The following TFEB variants were observed in gnomAD, a reference collection of about 807,000 sequenced individuals.
The protein encoded by TFEB is transcription factor EB, also known as T-cell transcription factor EB.
Under a neutral mutation model 48.0 loss-of-function variants are expected in TFEB, and 12 were observed. That is an observed-to-expected ratio of 0.25 (90% CI 0.16 to 0.40). TFEB has a LOEUF of 0.40. Among genes scored for constraint, TFEB ranks in the 10% least tolerant of loss-of-function variants. The pLI is 1.00. For synonymous variants in TFEB, 244 were observed against 261.4 expected (o/e 0.93, Z 0.64); for missense variants, 509 against 640.3 (o/e 0.79, Z 2.21).
chr6:41,697,354 A>G (rs6458235), intron 1 of TFEB, among the ~76,000 whole-genome samples: 108,793 of 145,554 alleles, frequency 0.75, 40,725 homozygotes, highest in South Asian at 0.79. Context: ...GTTGCAGTGA[A>G]CTGAGATCAC....
Position 41,716,965 on chromosome 6 carries a change from C to T in TFEB, c.-23+18385G>A, listed in dbSNP as rs949626400. ...GCCCGCGTGCACCCTACATCACAAG[C>T]CAGGTGACCGGCCACCCTCCATGAA... is the stretch of plus-strand genomic sequence containing the variant. On this transcript the variant is annotated intron_variant, in intron 1 of 8. Coordinates refer to ENST00000373033, the MANE Select transcript of TFEB (RefSeq NM_001271944.2). Among the ~76,000 whole-genome samples, 8 of 152,248 alleles carry T rather than the reference C, an allele frequency of 5.3e-5. No homozygotes were observed. In the South Asian group the frequency reaches 8.3e-4, roughly 16 times the overall value.
chr6:41,712,678 C>T (rs1770534995), intron 1 of TFEB, among the ~76,000 whole-genome samples: 1 of 152,324 alleles, frequency 6.6e-6, no homozygotes, highest in East Asian at 1.9e-4. Context: ...CTGACGGAGC[C>T]ACTGCTGTTG....
In TFEB at chr6:41,687,784, C is replaced by T. The variant is rs940839140; in HGVS notation, c.696G>A (p.Lys232=). ...LTDAESRALA[K]ERQKKDNHNL... ...TGTGATTGTCTTTCTTCTGCCGCTC[C>T]TTGGCCAGGGCCCTGCTCTCAGCAT... is the stretch of plus-strand genomic sequence containing the variant. The change falls in exon 6 of 9, where the codon AAG becomes AAA. Residue 232 remains lysine (K), a synonymous_variant. Coordinates refer to ENST00000373033, the MANE Select transcript of TFEB (RefSeq NM_001271944.2). The T allele has an allele frequency of 9.3e-6, 15 of 1,614,072 alleles. No homozygotes were observed. In the East Asian group the frequency reaches 3.1e-4, roughly 34 times the overall value.
chr6:41,689,856 G>T, intron 3 of TFEB, 45 bp from the exon 4 acceptor site: 2 of 1,542,072 alleles, frequency 1.3e-6, no homozygotes, highest in South Asian at 1.1e-5. Flanking sequence ...ACCACGAGGT[G>T]GGCAGGGGAA....
At position 41,734,656 on chromosome 6, in the gene TFEB, G is replaced by T. The variant is rs1771595829; in HGVS notation, c.-23+694C>A. On this transcript the variant is annotated intron_variant, in intron 1 of 8. Coordinates refer to ENST00000373033, the MANE Select transcript of TFEB (RefSeq NM_001271944.2). This position sits in a 1 kb window ranked among gnomAD's most constrained non-coding sequence, Gnocchi z 4.0. Reference sequence around the variant, plus strand: ...GGGCGCACGGAGGGAGCGCTCCGGGGTTGGTGTTCCCCAGGGTCATAGAAT... The same window carrying T: ...GGGCGCACGGAGGGAGCGCTCCGGGTTTGGTGTTCCCCAGGGTCATAGAAT... 6.6e-6 allele frequency among the ~76,000 whole-genome samples: 1 copy of T among 151,868 alleles called. No individual in the cohort carries two copies. Among genetic ancestry groups the T allele is most frequent in the African/African-American group, 2.4e-5 (1 of 41,362 alleles).
chr6:41,736,127 A>AG, upstream of TFEB: 6 of 1,612,884 alleles, frequency 3.7e-6, no homozygotes, highest in Non-Finnish European at 5.1e-6. Flanking sequence ...TATGGGTTCT[A>AG]CATTCACGCC....
chr6:41,714,405 A>G (rs1770640567), intron 1 of TFEB, among the ~76,000 whole-genome samples: 1 of 152,180 alleles, frequency 6.6e-6, no homozygotes. Flanking sequence ...GATTATGAAT[A>G]AGGCTGAATC....
At chr6:41,732,801 C>T (rs1003251103) in intron 1 of TFEB, 4 of 985,940 alleles carry the variant, frequency 4.1e-6, no homozygotes, top group Non-Finnish European at 4.8e-6. Flanking sequence ...GCTCTGGGAA[C>T]CCTGAACTCC....
At chr6:41,719,936 G>A (rs547820479) in intron 1 of TFEB, among the ~76,000 whole-genome samples, 24 of 152,214 alleles carry the variant, frequency 1.6e-4, no homozygotes, top group African/African-American at 5.5e-4. Flanking sequence ...CCTGTAAAAT[G>A]GGATAATAAA....
chr6:41,716,444 C>T (rs1344432678), intron 1 of TFEB, among the ~76,000 whole-genome samples: 1 of 152,190 alleles, frequency 6.6e-6, no homozygotes, highest in Non-Finnish European at 1.5e-5. Context: ...ACCTTCAGCT[C>T]ATCCTCTCCA....
intron 1 of TFEB, among the ~76,000 whole-genome samples, chr6:41,710,422 A>G (rs1770426819): frequency 6.6e-6 from 1 of 152,240 alleles, no homozygotes; most frequent in Non-Finnish European, 1.5e-5. Context: ...ACAGGCCAGG[A>G]TGGCCAAGGA....
chr6:41,684,444 C>T lies in TFEB; in HGVS notation c.*155G>A. On this transcript the variant is annotated 3_prime_UTR_variant, in exon 9 of 9. Coordinates refer to ENST00000373033, the MANE Select transcript of TFEB (RefSeq NM_001271944.2). ...TCTCCTGACCCCACAGGCTGCCAGA[C>T]AGGCACTAAGTCCAAACAGGGGCCA... 1.1e-6 allele frequency: 1 copy of T among 942,508 alleles called. No homozygotes were observed. Among genetic ancestry groups the T allele is most frequent in the South Asian group, 2.5e-5 (1 of 40,662 alleles). 58.4% of individuals were successfully genotyped at this position (942,508 alleles called of 1,614,324 possible).
At chr6:41,727,280 A>G (rs1433470597) in intron 1 of TFEB, among the ~76,000 whole-genome samples, 1 of 152,190 alleles carries the variant, frequency 6.6e-6, no homozygotes, top group Non-Finnish European at 1.5e-5. Flanking sequence ...CAGAGAAGGA[A>G]ATAAAGAGGA....
At chr6:41,686,885 G>C (rs932971811) in intron 7 of TFEB, 10 of 594,612 alleles carry the variant, frequency 1.7e-5, no homozygotes, top group Non-Finnish European at 3.0e-5. Context: ...CTTGACCTCA[G>C]CCTCACTTCC....
chr6:41,735,135 C>G (rs1306042886), intron 1 of TFEB: 12 of 963,366 alleles, frequency 1.2e-5, no homozygotes, highest in Non-Finnish European at 1.4e-5. Context: ...CGAGGGGGCT[C>G]CCGGCTCGGC....
intron 1 of TFEB, among the ~76,000 whole-genome samples, chr6:41,712,462 C>T (rs558720583): frequency 2.6e-5 from 4 of 152,328 alleles, no homozygotes; most frequent in African/African-American, 9.6e-5. Context: ...GCCATGAGGC[C>T]TTGGGCAAGT....
chr6:41,699,462 A>C (rs1769779994), intron 1 of TFEB, among the ~76,000 whole-genome samples: 1 of 152,214 alleles, frequency 6.6e-6, no homozygotes, highest in Admixed American at 6.5e-5. Flanking sequence ...TAGGGGCAGG[A>C]AGGCCTCAGG....
In TFEB at chr6:41,723,681, G is replaced by A; in HGVS notation, c.-23+11669C>T. The A allele has an allele frequency of 1.9e-6, 1 of 518,052 alleles. No individual in the cohort carries two copies. Among genetic ancestry groups the A allele is most frequent in the Non-Finnish European group, 3.1e-6 (1 of 323,770 alleles). The allele number at this position is 518,052 out of a possible 1,614,324, so 32.1% of individuals were successfully genotyped here. ...CCGAGGATTACTCACAGCACAGAGGGAACTGCGCCCCGACGGCACAGTCCC... is the reference window on the plus strand; with the variant it reads ...CCGAGGATTACTCACAGCACAGAGGAAACTGCGCCCCGACGGCACAGTCCC... On this transcript the variant is annotated intron_variant, in intron 1 of 8. Transcript: ENST00000373033. This position sits in a 1 kb window ranked among gnomAD's most constrained non-coding sequence, Gnocchi z 6.0.
At chr6:41,702,195 C>T (rs1490555588) in intron 1 of TFEB, among the ~76,000 whole-genome samples, 1 of 152,138 alleles carries the variant, frequency 6.6e-6, no homozygotes, top group African/African-American at 2.4e-5. Context: ...CCCAGAGAGG[C>T]CTGCATGCTC....
Sources: allele counts gnomAD v4.1 joint callset (sites outside exome capture counted in the v4.1 genomes callset), GRCh38; gene constraint gnomAD v4.1.1; non-coding constraint Gnocchi (gnomAD v3.1); transcripts MANE v1.5; gene names NCBI Gene and HGNC (gene_info 2026-07-23, HGNC 2026-07-21).